PDGFA: variants seen among roughly 807,000 people sequenced by gnomAD.
The protein encoded by PDGFA is platelet-derived growth factor subunit A.
Under a neutral mutation model 25.6 loss-of-function variants are expected in PDGFA, and 9 were observed. That is an observed-to-expected ratio of 0.35 (90% CI 0.21 to 0.61). PDGFA has a LOEUF of 0.61. PDGFA is among the 20% of genes least tolerant of loss of function. The pLI is 0.75. For synonymous variants in PDGFA, 133 were observed against 111.8 expected, an observed-to-expected ratio of 1.19 and a Z score of -1.20; for missense variants, 242 against 272.8, an observed-to-expected ratio of 0.89 and a Z score of 0.79.
chr7:512,369 G>T, exon 3 of PDGFA: 1 of 1,613,312 alleles, frequency 6.2e-7, no homozygotes, highest in East Asian at 2.2e-5. Context: ...CTCTTCCTCC[G>T]AATGGGCAGG....
Position 517,324 on chromosome 7 carries a change from C to T in PDGFA, c.160+70G>A. On this transcript the variant is annotated intron_variant, in intron 2 of 5. Coordinates refer to ENST00000402802, the Ensembl canonical transcript of PDGFA. This position sits in a 1 kb window ranked among gnomAD's most constrained non-coding sequence, Gnocchi z 7.4. ...CGCTCCTGCGCGGCGCCCCGCCCGG[C>T]CCCAGCTCGGGGCGCACAGGCCGCC... is the stretch of plus-strand genomic sequence containing the variant. The T allele has an allele frequency of 5.0e-6, 3 of 605,838 alleles. No individual in the cohort carries two copies. The highest frequency in any genetic ancestry group is 7.1e-6 in the Non-Finnish European group (3 of 422,220). The allele number at this position is 605,838 out of a possible 1,614,324, so 37.5% of individuals were successfully genotyped here.
intron 4 of PDGFA, among the ~76,000 whole-genome samples, chr7:510,464 T>C (rs967387967): frequency 4.9e-5 from 7 of 143,950 alleles, no homozygotes; most frequent in African/African-American, 7.8e-5. Context: ...CCCTGGCTGC[T>C]TGGTAGGGGC....
chr7:515,543 G>C (rs1187315630), intron 2 of PDGFA, among the ~76,000 whole-genome samples: 2 of 151,988 alleles, frequency 1.3e-5, no homozygotes, highest in African/African-American at 4.8e-5. Context: ...TGTTACAAAA[G>C]GTCCCCCACC....
Position 498,334 on chromosome 7 carries a change from CTTTT to C in PDGFA, c.*226_*229del, listed in dbSNP as rs1225508832. The C allele has an allele frequency of 7.5e-6, 4 of 530,510 alleles. No individual in the cohort carries two copies. The South Asian group carries it at 1.1e-4, about 15-fold the overall frequency. 32.9% of individuals were successfully genotyped at this position (530,510 alleles called of 1,614,324 possible). On this transcript the variant is annotated 3_prime_UTR_variant, in exon 6 of 6. Transcript: ENST00000402802. ...TTTCTCTCTCTCTTTCTCTCTCTCT[CTTTT>C]TGACAAGGAAGCTTCTTACTGCTTC...
exon 4 of PDGFA, chr7:510,937 G>C: frequency 6.2e-7 from 1 of 1,612,864 alleles, no homozygotes; most frequent in Non-Finnish European, 8.5e-7. Flanking sequence ...GGGTCGACCT[G>C]ACTCCGAGGA....
intron 4 of PDGFA, among the ~76,000 whole-genome samples, chr7:502,634 C>T (rs1402436475): frequency 3.3e-5 from 5 of 152,190 alleles, no homozygotes; most frequent in African/African-American, 1.2e-4. Context: ...CGCCTGCCCT[C>T]AATTCTCCAG....
intron 3 of PDGFA, 62 bp downstream of exon 3, chr7:512,289 G>T (rs545066366): frequency 3.5e-5 from 52 of 1,470,502 alleles, no homozygotes; most frequent in African/African-American, 1.4e-4. Flanking sequence ...CCTGCCCATC[G>T]CGGCCTCCTG....
rs1252705494 is a variant in PDGFA, at chr7:514,370, A to G, written c.161-1915T>C. Among the ~76,000 whole-genome samples the G allele has an allele frequency of 2.0e-5, 3 of 152,170 alleles. 1 individual carries two copies. Among genetic ancestry groups the G allele is most frequent in the Non-Finnish European group, 4.4e-5 (3 of 68,028 alleles). ...AGCTCATTGACCCCCAGAAAGCCTG[A>G]GCTGGCAAATTTCTTGAGACAAGGG... On this transcript the variant is annotated intron_variant, in intron 2 of 5. Transcript: ENST00000402802.
At chr7:506,905 G>T (rs1583146161) in intron 4 of PDGFA, among the ~76,000 whole-genome samples, 1 of 152,256 alleles carries the variant, frequency 6.6e-6, no homozygotes, top group African/African-American at 2.4e-5. Flanking sequence ...GACCGGAAAG[G>T]CATAAAAACT....
rs1361143078 is a variant in PDGFA at position 500,404 on chromosome 7, C to T, written c.580+712G>A. On this transcript the variant is annotated intron_variant, in intron 5 of 5. Coordinates refer to ENST00000402802, the Ensembl canonical transcript of PDGFA. This position sits in a 1 kb window ranked among gnomAD's most constrained non-coding sequence, Gnocchi z 5.0. ...AGTTGCACCTCCCCGCCCTGCAGGACTCAGTGTGTCCGGCAGACAGTCCTA... is the reference window on the plus strand; with the variant it reads ...AGTTGCACCTCCCCGCCCTGCAGGATTCAGTGTGTCCGGCAGACAGTCCTA... The T allele has an allele frequency of 6.2e-7, 1 of 1,612,394 alleles. No homozygotes were observed. The highest frequency in any genetic ancestry group is 1.7e-5 in the Admixed American group (1 of 60,026).
chr7:497,969 A>AAC (rs1562481763), exon 6 of PDGFA: 59 of 133,824 alleles, frequency 4.4e-4, no homozygotes, highest in African/African-American at 5.9e-4. Flanking sequence ...CAAAAAAAAA[A>AAC]AAAACAAAAC....
chr7:505,807 C>T (rs575410063), intron 4 of PDGFA, among the ~76,000 whole-genome samples: 14 of 152,308 alleles, frequency 9.2e-5, no homozygotes, highest in African/African-American at 2.2e-4. Flanking sequence ...CTGGCCCCAC[C>T]GCCCCACAGC....
chr7:508,590 T>TAAAAAAAACCC (rs1275774675), intron 4 of PDGFA, among the ~76,000 whole-genome samples: 1 of 130,896 alleles, frequency 7.6e-6, no homozygotes, highest in African/African-American at 2.9e-5. Flanking sequence ...AAAAAAAAAT[T>TAAAAAAAACCC]CTCAGCTGAG....
At chr7:504,537 G>A (rs1782478169) in intron 4 of PDGFA, among the ~76,000 whole-genome samples, 1 of 152,142 alleles carries the variant, frequency 6.6e-6, no homozygotes, top group African/African-American at 2.4e-5. Flanking sequence ...GTCCCAGCAG[G>A]AGGAACAGCA....
At chr7:514,153 T>C (rs902080504) in intron 2 of PDGFA, among the ~76,000 whole-genome samples, 18 of 152,230 alleles carry the variant, frequency 1.2e-4, no homozygotes, top group Non-Finnish European at 2.6e-4. Context: ...GCTTTACCAA[T>C]GACTTAGCTT....
intron 2 of PDGFA, 103 bp from the exon 3 acceptor site, chr7:512,558 G>T: frequency 6.3e-7 from 1 of 1,578,550 alleles, no homozygotes; most frequent in East Asian, 2.3e-5. Context: ...AGCCACTGGG[G>T]AACAGGCACC....
intron 4 of PDGFA, among the ~76,000 whole-genome samples, chr7:510,514 G>T (rs1782753624): frequency 7.2e-6 from 1 of 139,772 alleles, no homozygotes; most frequent in Non-Finnish European, 1.5e-5. Context: ...GAGGGGCAGG[G>T]CTCACCTTGA....
At chr7:510,752 G>GGGAGGGGAGAGGAGA in intron 4 of PDGFA, 57 bp downstream of exon 4, 3 of 498,368 alleles carry the variant, frequency 6.0e-6, no homozygotes, top group South Asian at 4.2e-5. Flanking sequence ...AGGAGAGGAG[G>GGGAGGGGAGAGGAGA]GGAGGGGAGA....
At position 517,577 on chromosome 7, in the gene PDGFA, G is replaced by A. The variant is rs931354079; in HGVS notation, c.64-87C>T. 19 of 358,002 alleles carry A rather than the reference G, an allele frequency of 5.3e-5. No individual in the cohort carries two copies. The highest frequency in any genetic ancestry group is 6.7e-5 in the African/African-American group (3 of 44,926). 22.2% of individuals were successfully genotyped at this position (358,002 alleles called of 1,614,324 possible). On this transcript the variant is annotated intron_variant, in intron 1 of 5. Transcript: ENST00000402802. This position sits in a 1 kb window ranked among gnomAD's most constrained non-coding sequence, Gnocchi z 7.4. Reference sequence around the variant, plus strand: ...GCCGCCAGGAGCGCCGCCGCCCCGGGCCCGAGGAGACCCCGCGAGCGCCGG... The same window carrying A: ...GCCGCCAGGAGCGCCGCCGCCCCGGACCCGAGGAGACCCCGCGAGCGCCGG...
Sources: allele counts gnomAD v4.1 joint callset (sites outside exome capture counted in the v4.1 genomes callset), GRCh38; gene constraint gnomAD v4.1.1; non-coding constraint Gnocchi (gnomAD v3.1); transcripts MANE v1.5; gene names NCBI Gene and HGNC (gene_info 2026-07-23, HGNC 2026-07-21).